KDM5C: variants seen among roughly 807,000 people sequenced by gnomAD.
KDM5C encodes the protein lysine-specific demethylase 5C.
In KDM5C, 16 loss-of-function variants were observed where a neutral mutation model predicts 110.6. The ratio of observed to expected loss-of-function variants is 0.14; its 90% confidence interval spans 0.10 to 0.22. The LOEUF is 0.22. Among genes scored for constraint, KDM5C ranks in the 10% least tolerant of loss-of-function variants. KDM5C has a pLI of 1.00. For missense variants in KDM5C, 681 were observed against 1,300.9 expected, an observed-to-expected ratio of 0.52 and a Z score of 7.33; for synonymous variants, 511 against 520.4, an observed-to-expected ratio of 0.98 and a Z score of 0.24.
intron 19 of KDM5C, 144 bp from the exon 20 acceptor site, chrX:53,196,198 C>T (rs1602167399): frequency 3.1e-6 from 2 of 653,215 alleles, no homozygotes; most frequent in East Asian, 7.2e-5. Context: ...TGTATTCCAC[C>T]TAAGGGTAGC....
chrX:53,213,459 G>A (rs782118379), intron 8 of KDM5C, among the ~76,000 whole-genome samples: 4 of 112,096 alleles, frequency 3.6e-5, no homozygotes, highest in Non-Finnish European at 7.5e-5. Flanking sequence ...AAATCCAGAG[G>A]GAAATGTAGA....
intron 7 of KDM5C, 101 bp downstream of exon 7, chrX:53,215,694 C>T: frequency 1.9e-5 from 18 of 930,587 alleles, no homozygotes; most frequent in Non-Finnish European, 2.6e-5. Context: ...CCATGGAGGC[C>T]CGCTTTTGTG....
intron 12 of KDM5C, among the ~76,000 whole-genome samples, chrX:53,207,120 T>A (rs782509804): frequency 1.1e-5 from 1 of 87,351 alleles, no homozygotes; most frequent in African/African-American, 4.6e-5. Context: ...GAGGTTGCAG[T>A]GAGCTGAGAT....
At chrX:53,221,822 G>C in intron 1 of KDM5C, 1 of 772,857 alleles carries the variant, frequency 1.3e-6, no homozygotes, top group Non-Finnish European at 1.8e-6. Context: ...GGAGGATTTG[G>C]GGAGGGAAGT....
chrX:53,196,575 G>GT (rs1934873211), intron 19 of KDM5C, 111 bp downstream of exon 19: 1 of 614,452 alleles, frequency 1.6e-6, no homozygotes, highest in African/African-American at 2.2e-5. Context: ...AGTCAATACA[G>GT]TAACACAGGA....
intron 12 of KDM5C, 58 bp downstream of exon 12, chrX:53,210,350 CCACCAT>C: frequency 8.5e-7 from 1 of 1,178,444 alleles, no homozygotes; most frequent in South Asian, 1.8e-5. Context: ...ACCGCCACCA[CCACCAT>C]CACAAAGGAC....
chrX:53,182,351 G>A (rs984513742), intron 25 of KDM5C, among the ~76,000 whole-genome samples: 7 of 111,535 alleles, frequency 6.3e-5, no homozygotes, highest in Admixed American at 9.5e-5. Context: ...CCAAAGTGCT[G>A]GGATTACAGG....
Position 53,193,570 on chromosome X carries a change from G to A in KDM5C, c.4184C>T (p.Thr1395Ile), listed in dbSNP as rs2146815422. Residue 1395 changes from threonine (T) to isoleucine (I), a missense_variant, in exon 25 of 26, where the codon ACC becomes ATC. Physicochemically the swap from Thr to Ile is moderately conservative, Grantham distance 89. Around this residue, in one of 14 missense-constraint regions of KDM5C, gnomAD observed 88 missense variants for 85.6 expected, o/e 1.03. Transcript: ENST00000375401. ...CATGAGCTCCTCCAAGGGGGCCCGG[G>A]TTGCCTCAGGCAGTTCCAACACAGG... ...TGPVLELPEATRAPLEELMME... is the reference protein window; with the variant it reads ...TGPVLELPEAIRAPLEELMME... The A allele has an allele frequency of 8.3e-7, 1 of 1,211,912 alleles. No homozygotes were observed. The highest frequency in any genetic ancestry group is 1.1e-6 in the Non-Finnish European group (1 of 895,420).
At chrX:53,211,419 A>G in intron 10 of KDM5C, 78 bp downstream of exon 10, 1 of 1,001,759 alleles carries the variant, frequency 1.0e-6, no homozygotes, top group African/African-American at 1.9e-5. Flanking sequence ...CATCTTACAG[A>G]GATACTGAGT....
At chrX:53,183,626 T>G (rs1320027785) in intron 25 of KDM5C, among the ~76,000 whole-genome samples, 1 of 106,714 alleles carries the variant, frequency 9.4e-6, no homozygotes, top group African/African-American at 3.4e-5. Flanking sequence ...TGGAGTGCAG[T>G]GGCGCGATCT....
intron 12 of KDM5C, chrX:53,202,569 C>A (rs1457302308): frequency 5.9e-5 from 7 of 119,478 alleles, no homozygotes; most frequent in African/African-American, 2.3e-4. Flanking sequence ...CTGTAGCAGT[C>A]TCATGCAACC....
intron 2 of KDM5C, 87 bp downstream of exon 2, chrX:53,220,752 C>T (rs1331511508): frequency 1.3e-6 from 1 of 775,128 alleles, no homozygotes; most frequent in Admixed American, 2.6e-5. Flanking sequence ...AGGTAAAGTA[C>T]CTCAGCCAGA....
chrX:53,218,460 CCA>C (rs1195670175), intron 2 of KDM5C, 62 bp from the exon 3 acceptor site: 5 of 1,161,979 alleles, frequency 4.3e-6, no homozygotes, highest in Non-Finnish European at 5.9e-6. Flanking sequence ...ATCTTTGGGT[CCA>C]GTCTTAGGGG....
At chrX:53,223,224 C>A (rs1210184984) in intron 1 of KDM5C, among the ~76,000 whole-genome samples, 1 of 111,621 alleles carries the variant, frequency 9.0e-6, no homozygotes, top group Non-Finnish European at 1.9e-5. Context: ...GTCAGCTATG[C>A]CTCTTTTTCC....
At position 53,211,793 on chromosome X, in the gene KDM5C, G is replaced by A. The variant is rs147546892; in HGVS notation, c.1236C>T (p.Pro412=). 5.1e-4 allele frequency: 617 copies of A among 1,209,571 alleles called. 2 individuals carry two copies. In the African/African-American group the frequency reaches 9.0e-3, roughly 18 times the overall value. Residue 412 remains proline, a synonymous_variant, in exon 9 of 26, where the codon CCC becomes CCT. Coordinates refer to ENST00000375401, the MANE Select transcript of KDM5C (RefSeq NM_004187.5). ...TCAGCCCTCCATCACCTACATGCAC[G>A]GGCATGTTGAAGTAGTCAGCTTTAA... is the stretch of plus-strand genomic sequence containing the variant. ...DSFKADYFNM[P]VHMVPTELVE...
chrX:53,197,933 C>A, intron 17 of KDM5C, 57 bp from the exon 18 acceptor site: 1 of 888,702 alleles, frequency 1.1e-6, no homozygotes, highest in Non-Finnish European at 1.6e-6. Context: ...CCCTCCATGT[C>A]TATGCTAAGA....
At chrX:53,210,169 G>C (rs782352447) in intron 12 of KDM5C, among the ~76,000 whole-genome samples, 1 of 112,572 alleles carries the variant, frequency 8.9e-6, no homozygotes, top group South Asian at 3.7e-4. Context: ...ATGTAGATGT[G>C]ATAATAAGCC....
chrX:53,208,456 T>C lies in KDM5C; in HGVS notation c.1746+1958A>G, dbSNP rs1348496322. ...ATATATATATATACACACACACATA[T>C]ATATATATATGCCTCTTAGCTACCC... On this transcript the variant is annotated intron_variant, in intron 12 of 25. Transcript: ENST00000375401. Among the ~76,000 whole-genome samples the C allele has an allele frequency of 5.1e-4, 51 of 99,640 alleles. 1 individual carries two copies. The highest frequency in any genetic ancestry group is 9.8e-3 in the Middle Eastern group (2 of 205). The allele number at this position is 99,640 out of a possible 115,157, so 86.5% of individuals were successfully genotyped here.
intron 14 of KDM5C, 28 bp downstream of exon 14, chrX:53,201,522 G>T (rs1556841671): frequency 8.3e-7 from 1 of 1,198,523 alleles, no homozygotes. Flanking sequence ...ACCAGAATAG[G>T]GTGCTTGATC....
Sources: gnomAD v4.1 joint callset for allele counts (sites outside exome capture counted in the v4.1 genomes callset) on GRCh38, gnomAD v4.1.1 for gene constraint, gnomAD v4.1.1 regional missense constraint, MANE v1.5 for transcripts, NCBI Gene and HGNC (gene_info 2026-07-23, HGNC 2026-07-21) for gene names.